Variants in TMEM132C observed in about 807,000 individuals in gnomAD.
TMEM132C encodes protein phosphatase 1, regulatory subunit 152.
TMEM132C carries 29 observed loss-of-function variants against 61.4 expected under a neutral mutation model. The observed-to-expected ratio is 0.47, with a 90% CI of 0.35 to 0.64. TMEM132C has a LOEUF of 0.64. Ranked by LOEUF, TMEM132C falls within the 30% of genes least tolerant of loss-of-function variation. The pLI, the probability that TMEM132C is intolerant of heterozygous loss-of-function variation, is 0.00. For synonymous variants in TMEM132C, 656 were observed against 633.1 expected (o/e 1.04, Z -0.54); for missense variants, 1,408 against 1,476.9 (o/e 0.95, Z 0.76).
chr12:128,445,365 T>A (rs367778102), intron 2 of TMEM132C, among the ~76,000 whole-genome samples: 1 of 152,222 alleles, frequency 6.6e-6, no homozygotes, highest in Non-Finnish European at 1.5e-5. Flanking sequence ...TTGCCTCTCC[T>A]GTGGTTGTGT....
intron 1 of TMEM132C, among the ~76,000 whole-genome samples, chr12:128,363,704 G>A (rs375181390): frequency 9.2e-5 from 14 of 152,194 alleles, no homozygotes; most frequent in African/African-American, 3.4e-4. Context: ...AATTAGCTGG[G>A]CGTGGTGGCA....
intron 4 of TMEM132C, among the ~76,000 whole-genome samples, chr12:128,666,806 T>G (rs542799677): frequency 1.3e-5 from 2 of 152,364 alleles, no homozygotes; most frequent in East Asian, 3.9e-4. Flanking sequence ...CTCCTGAAAT[T>G]GATATTGGTC....
At chr12:128,605,510 C>T (rs181472018) in intron 3 of TMEM132C, among the ~76,000 whole-genome samples, 2 of 152,300 alleles carry the variant, frequency 1.3e-5, no homozygotes, top group African/African-American at 4.8e-5. Flanking sequence ...ATAATGTTTG[C>T]CCAAATGTCT....
chr12:128,440,549 C>G (rs1383997727), intron 2 of TMEM132C, among the ~76,000 whole-genome samples: 4 of 152,218 alleles, frequency 2.6e-5, no homozygotes, highest in African/African-American at 4.8e-5. Flanking sequence ...ATCTCTGCTG[C>G]CCTCCAAAAT....
chr12:128,308,715 G>A (rs1002680385), intron 1 of TMEM132C, among the ~76,000 whole-genome samples: 1 of 152,078 alleles, frequency 6.6e-6, no homozygotes, highest in South Asian at 2.1e-4. Context: ...GTCATCTTCT[G>A]GGGGGAGCTG....
intron 4 of TMEM132C, among the ~76,000 whole-genome samples, chr12:128,624,480 G>A (rs1309656232): frequency 1.4e-5 from 2 of 147,896 alleles, no homozygotes; most frequent in Non-Finnish European, 3.0e-5. Flanking sequence ...GGTGGCAGAG[G>A]TTGCAGTGAG....
At chr12:128,567,511 G>A (rs572225465) in intron 3 of TMEM132C, among the ~76,000 whole-genome samples, 3 of 151,280 alleles carry the variant, frequency 2.0e-5, no homozygotes, top group South Asian at 2.1e-4. Flanking sequence ...AGGTGACTAC[G>A]GTAATCGTTT....
chr12:128,426,609 A>G (rs914566074), intron 2 of TMEM132C, among the ~76,000 whole-genome samples: 1 of 152,158 alleles, frequency 6.6e-6, no homozygotes, highest in African/African-American at 2.4e-5. Flanking sequence ...TTGTCATTTT[A>G]AATGTATTCT....
rs1954053833 is a variant in TMEM132C, at chr12:128,630,073, G to A, written c.1305+13738G>A. ...AATGCAAGCTGTGGGCTAAGGGAGA[G>A]GCATGGCTGTGTTTCAGGGGTCTTT... On this transcript the variant is annotated intron_variant, in intron 4 of 8. Coordinates refer to ENST00000435159, the MANE Select transcript of TMEM132C (RefSeq NM_001136103.3). The surrounding 1 kb of genome is among the most constrained non-coding windows in gnomAD (Gnocchi z 4.3). Among the ~76,000 whole-genome samples the A allele has an allele frequency of 1.3e-5, 2 of 151,996 alleles. No homozygotes were observed. Among genetic ancestry groups the A allele is most frequent in the South Asian group, 4.2e-4 (2 of 4,816 alleles).
chr12:128,418,029 G>A (rs984000845), intron 2 of TMEM132C, among the ~76,000 whole-genome samples: 4 of 152,072 alleles, frequency 2.6e-5, no homozygotes, highest in African/African-American at 9.7e-5. Context: ...CCTCCCTTCC[G>A]ATCTTTGCCA....
At chr12:128,609,697 G>A (rs771975629) in intron 3 of TMEM132C, among the ~76,000 whole-genome samples, 5 of 152,166 alleles carry the variant, frequency 3.3e-5, no homozygotes, top group Non-Finnish European at 2.9e-5. Flanking sequence ...CATGGATGAA[G>A]GAGGGACTTC....
At chr12:128,379,781 G>A (rs1262172705) in intron 1 of TMEM132C, among the ~76,000 whole-genome samples, 1 of 152,198 alleles carries the variant, frequency 6.6e-6, no homozygotes, top group Non-Finnish European at 1.5e-5. Flanking sequence ...ACATTTGCAT[G>A]TTCTGGGGCT....
At chr12:128,669,310 A>G in intron 4 of TMEM132C, 107 bp from the exon 5 acceptor site, 1 of 1,372,798 alleles carries the variant, frequency 7.3e-7, no homozygotes, top group Non-Finnish European at 9.9e-7. Context: ...TCTTGTACAA[A>G]CAAGGACAGC....
intron 2 of TMEM132C, among the ~76,000 whole-genome samples, chr12:128,464,589 A>G (rs909768192): frequency 2.6e-5 from 4 of 152,294 alleles, no homozygotes; most frequent in Non-Finnish European, 5.9e-5. Context: ...CCCCATCTCT[A>G]TAAAAAATGA....
chr12:128,297,903 A>C (rs1871461476), intron 1 of TMEM132C, among the ~76,000 whole-genome samples: 1 of 152,226 alleles, frequency 6.6e-6, no homozygotes, highest in South Asian at 2.1e-4. Context: ...AGCAAATGGA[A>C]GAAAACCCAA....
At chr12:128,554,250 C>T (rs964006222) in intron 3 of TMEM132C, among the ~76,000 whole-genome samples, 1 of 152,110 alleles carries the variant, frequency 6.6e-6, no homozygotes, top group African/African-American at 2.4e-5. Flanking sequence ...ATGCAAGGGA[C>T]AGGTGAAAGG....
chr12:128,607,499 C>G (rs1487331101), intron 3 of TMEM132C, among the ~76,000 whole-genome samples: 2 of 152,102 alleles, frequency 1.3e-5, no homozygotes, highest in African/African-American at 2.4e-5. Context: ...GGGCATATCC[C>G]AGTTAGGAGG....
At chr12:128,620,424 A>G (rs1270245420) in intron 4 of TMEM132C, among the ~76,000 whole-genome samples, 1 of 152,154 alleles carries the variant, frequency 6.6e-6, no homozygotes, top group Non-Finnish European at 1.5e-5. Context: ...GGTGAGGTCC[A>G]GATAGTGATC....
intron 2 of TMEM132C, among the ~76,000 whole-genome samples, chr12:128,478,284 T>C (rs1331950710): frequency 2.0e-5 from 3 of 152,244 alleles, no homozygotes; most frequent in Non-Finnish European, 4.4e-5. Flanking sequence ...ACACTGATTG[T>C]TGTTTTTTTA....
Sources: gnomAD v4.1 joint callset for allele counts (sites outside exome capture counted in the v4.1 genomes callset) on GRCh38, gnomAD v4.1.1 for gene constraint, Gnocchi (gnomAD v3.1) non-coding constraint, MANE v1.5 for transcripts, NCBI Gene and HGNC (gene_info 2026-07-23, HGNC 2026-07-21) for gene names.